Variants in CAPS2 observed in about 807,000 individuals in gnomAD.
CAPS2 encodes the protein calcyphosine 2, also known as calcyphosin-2.
A neutral mutation model predicts 86.5 loss-of-function variants in CAPS2; 98 were observed. The ratio of observed to expected loss-of-function variants is 1.13; its 90% CI spans 0.96 to 1.34. The LOEUF is 1.34. Among genes scored for constraint, CAPS2 ranks in the 40% most tolerant of loss-of-function variants. CAPS2 has a pLI of 0.00. For missense variants in CAPS2, 729 were observed against 686.8 expected, an observed-to-expected ratio of 1.06 and a Z score of -0.69; for synonymous variants, 210 against 225.1, an observed-to-expected ratio of 0.93 and a Z score of 0.60.
At chr12:75,342,947 TATAG>T (rs879508709) in intron 1 of CAPS2, among the ~76,000 whole-genome samples, 2 of 136,156 alleles carry the variant, frequency 1.5e-5, no homozygotes, top group African/African-American at 5.4e-5. Context: ...TTGTAGAATA[TATAG>T]ATATATAATA....
chr12:75,293,828 C>G (rs1593290728), intron 11 of CAPS2, among the ~76,000 whole-genome samples: 1 of 152,152 alleles, frequency 6.6e-6, no homozygotes, highest in Non-Finnish European at 1.5e-5. Context: ...AAACTTCAGC[C>G]ACAAAATTCC....
chr12:75,280,130 C>T (rs182898100), intron 16 of CAPS2, among the ~76,000 whole-genome samples: 1 of 151,598 alleles, frequency 6.6e-6, no homozygotes, highest in Admixed American at 6.6e-5. Flanking sequence ...TTGGGATATA[C>T]CATTTCTATT....
chr12:75,306,312 G>A (rs2038489734), intron 7 of CAPS2: 1 of 579,354 alleles, frequency 1.7e-6, no homozygotes, highest in South Asian at 1.9e-5. Flanking sequence ...AGCTCTGCGG[G>A]AGGCTAATCC....
intron 14 of CAPS2, among the ~76,000 whole-genome samples, chr12:75,285,671 A>G (rs189586198): frequency 2.0e-5 from 3 of 151,968 alleles, no homozygotes; most frequent in Admixed American, 2.0e-4. Flanking sequence ...TTATTTCTAT[A>G]TCTATACATC....
At chr12:75,326,099 T>A (rs1377975568) in intron 1 of CAPS2, among the ~76,000 whole-genome samples, 1 of 152,162 alleles carries the variant, frequency 6.6e-6, no homozygotes, top group African/African-American at 2.4e-5. Context: ...GTTATCTGAC[T>A]TGTGCTTTTT....
chr12:75,291,158 T>G (rs1485315209), intron 13 of CAPS2, among the ~76,000 whole-genome samples: 2 of 151,768 alleles, frequency 1.3e-5, no homozygotes, highest in Non-Finnish European at 2.9e-5. Context: ...CATCCCTATT[T>G]TAGAGATGAA....
intron 1 of CAPS2, among the ~76,000 whole-genome samples, chr12:75,372,078 G>A (rs545437630): frequency 9.2e-5 from 14 of 152,284 alleles, no homozygotes; most frequent in Admixed American, 7.2e-4. Context: ...GCAGTGGCAC[G>A]ATCTTGGCTC....
chr12:75,366,437 T>C (rs907817385), intron 1 of CAPS2, among the ~76,000 whole-genome samples: 2 of 152,158 alleles, frequency 1.3e-5, no homozygotes, highest in African/African-American at 4.8e-5. Flanking sequence ...CTTTGGGCTA[T>C]GAATTTTTCT....
intron 8 of CAPS2, 78 bp downstream of exon 8, chr12:75,304,679 G>T: frequency 9.1e-7 from 1 of 1,095,708 alleles, no homozygotes; most frequent in Non-Finnish European, 1.2e-6. Context: ...AAAAGCTCCA[G>T]CTAGACACAG....
rs61616225 is a variant in CAPS2 at position 75,359,357 on chromosome 12, C to CTT, written c.-395+31479_-395+31480dup. On this transcript the variant is annotated intron_variant, in intron 1 of 5. Coordinates refer to the CAPS2 transcript ENST00000551829. ...GAGTTAGAAGACTCAGCATTGTTGT[C>CTT]TTTTTTTTTTTTTTTTTTTTTTTTT... Among the ~76,000 whole-genome samples the CTT allele has an allele frequency of 6.5e-3, 186 of 28,584 alleles. 44 individuals are homozygous for CTT. Among genetic ancestry groups the CTT allele is most frequent in the African/African-American group, 0.015 (104 of 7,160 alleles). The allele number at this position is 28,584 out of a possible 152,430, so 18.8% of individuals were successfully genotyped here.
upstream of CAPS2, chr12:75,326,499 T>A (rs1052672741): frequency 2.0e-5 from 31 of 1,532,688 alleles, no homozygotes; most frequent in African/African-American, 3.3e-4. Context: ...CTAAATCCAT[T>A]TGAGTTCCTG....
At chr12:75,285,048 G>A (rs142183933) in exon 15 of CAPS2, 23 of 1,611,100 alleles carry the variant, frequency 1.4e-5, no homozygotes, top group Non-Finnish European at 2.0e-5. Flanking sequence ...CATTGCCATT[G>A]TCATTCAGAA....
chr12:75,388,719 T>G lies in CAPS2; in HGVS notation c.-395+2119A>C, dbSNP rs139967173. Among the ~76,000 whole-genome samples, 13 of 152,292 alleles carry G rather than the reference T, an allele frequency of 8.5e-5. No individual in the cohort carries two copies. In the East Asian group the frequency reaches 2.5e-3, roughly 29 times the overall value. On this transcript the variant is annotated intron_variant, in intron 1 of 5. Transcript: ENST00000551829. Reference sequence around the variant, plus strand: ...TATGGTACTAAATGCTGGAAACATGTCATTATACATTTATACCAACCCATG... The same window carrying G: ...TATGGTACTAAATGCTGGAAACATGGCATTATACATTTATACCAACCCATG...
intron 1 of CAPS2, among the ~76,000 whole-genome samples, chr12:75,386,243 G>A (rs182777931): frequency 9.9e-5 from 15 of 152,252 alleles, no homozygotes; most frequent in Admixed American, 5.9e-4. Flanking sequence ...CTAACACTAC[G>A]TGACATTAAG....
chr12:75,323,699 C>T (rs7967619), intron 2 of CAPS2, among the ~76,000 whole-genome samples: 48,613 of 152,082 alleles, frequency 0.32, 8,571 homozygotes, highest in East Asian at 0.45. Flanking sequence ...GCCGAGATTG[C>T]GCCATTGCAC....
In CAPS2 at chr12:75,298,914, G is replaced by A. The variant is rs772508417; in HGVS notation, c.907C>T (p.Gln303Ter). The change falls in exon 10 of 17, where the codon CAA becomes TAA. Residue 303 changes from glutamine (Q) to a stop codon, truncating the protein, a stop_gained. Coordinates refer to ENST00000393284, the Ensembl canonical transcript of CAPS2. LOFTEE classifies it high-confidence loss of function. ...CGATATTCATAAATTGTAAGGGATT[G>A]GTCATGAGTGAAAAAGAACCCAATG... 2 of 1,610,650 alleles carry A rather than the reference G, an allele frequency of 1.2e-6. No homozygotes were observed. Among genetic ancestry groups the A allele is most frequent in the Non-Finnish European group, 8.5e-7 (1 of 1,178,758 alleles).
chr12:75,368,502 C>T (rs1218587784), intron 1 of CAPS2, among the ~76,000 whole-genome samples: 1 of 151,542 alleles, frequency 6.6e-6, no homozygotes, highest in Non-Finnish European at 1.5e-5. Flanking sequence ...AGTGATGCCC[C>T]AGGAATACAA....
chr12:75,292,161 G>C (rs1434673366), intron 12 of CAPS2, among the ~76,000 whole-genome samples: 3 of 152,028 alleles, frequency 2.0e-5, no homozygotes, highest in Non-Finnish European at 2.9e-5. Context: ...CCGCCTCCCA[G>C]GTTCAAGCGA....
At position 75,301,506 on chromosome 12, in the gene CAPS2, T is replaced by G. The variant is rs1476860242; in HGVS notation, c.780-1595A>C. 3.3e-5 allele frequency among the ~76,000 whole-genome samples: 5 copies of G among 152,236 alleles called. No homozygotes were observed. The East Asian group carries it at 9.6e-4, about 29-fold the overall frequency. On this transcript the variant is annotated intron_variant, in intron 8 of 16. Coordinates refer to ENST00000393284, the Ensembl canonical transcript of CAPS2. ...CAGCAACAGTACAGCTACCACTTAT[T>G]GAGAATTTCCCAGATACTAGTCATT... is the stretch of plus-strand genomic sequence containing the variant.
Sources: allele counts gnomAD v4.1 joint callset (sites outside exome capture counted in the v4.1 genomes callset), GRCh38; gene constraint gnomAD v4.1.1; transcripts MANE v1.5; gene names NCBI Gene and HGNC (gene_info 2026-07-23, HGNC 2026-07-21).